FAM83G: variants seen among roughly 807,000 people sequenced by gnomAD.
FAM83G encodes protein FAM83G.
Under a neutral mutation model 61.5 loss-of-function variants are expected in FAM83G, and 38 were observed. The observed-to-expected ratio is 0.62, with a 90% CI of 0.48 to 0.81. The LOEUF is 0.81. Among genes scored for constraint, FAM83G ranks in the 30% least tolerant of loss-of-function variants. FAM83G has a pLI of 0.00. For missense variants in FAM83G, 989 were observed against 1,133.6 expected (o/e 0.87, Z 1.83); for synonymous variants, 470 against 476.1 (o/e 0.99, Z 0.17).
At chr17:18,981,096 G>A (rs1381747235) in intron 3 of FAM83G, among the ~76,000 whole-genome samples, 1 of 152,234 alleles carries the variant, frequency 6.6e-6, no homozygotes, top group Non-Finnish European at 1.5e-5. Context: ...CTGCAGAGAT[G>A]CCTGTGATGA....
At position 18,988,304 on chromosome 17, in the gene FAM83G, G is replaced by A. The variant is rs765402397; in HGVS notation, c.633C>T (p.Asn211=). 7 of 1,614,206 alleles carry A rather than the reference G, an allele frequency of 4.3e-6. No individual in the cohort carries two copies. Among genetic ancestry groups the A allele is most frequent in the East Asian group, 4.5e-5 (2 of 44,888 alleles). Residue 211 remains asparagine (N), a synonymous_variant, in exon 3 of 6, where the codon AAC becomes AAT. Coordinates refer to ENST00000388995, the MANE Select transcript of FAM83G (RefSeq NM_001039999.3). ...CACACATGTGCAGGAAGTACTTGAC[G>A]TTACTCTCATCCACGATGATGTACA... ...VAVYIIVDES[N]VKYFLHMCER... is the part of the protein sequence containing the mutation.
Position 18,977,827 on chromosome 17 carries a change from G to A in FAM83G, c.1839C>T (p.Ser613=). ...GPGPRRPSVA[S]SVSEEYFEVR... ...CCTCGAAGTACTCCTCTGACACAGA[G>A]GAAGCCACTGAGGGCCGTCGGGGGC... Residue 613 remains serine (S), a synonymous_variant, in exon 5 of 6, where the codon TCC becomes TCT. Coordinates refer to ENST00000388995, the MANE Select transcript of FAM83G (RefSeq NM_001039999.3). 1.2e-6 allele frequency: 2 copies of A among 1,609,592 alleles called. No individual in the cohort carries two copies. Among genetic ancestry groups the A allele is most frequent in the Admixed American group, 3.3e-5 (2 of 59,770 alleles).
intron 3 of FAM83G, among the ~76,000 whole-genome samples, chr17:18,979,971 A>G (rs771086600): frequency 4.6e-5 from 7 of 152,138 alleles, no homozygotes; most frequent in Non-Finnish European, 8.8e-5. Flanking sequence ...CAGGCAGGAA[A>G]AGGCTTACAC....
In FAM83G at chr17:18,969,579, GC is replaced by G; in HGVS notation, c.*1779del. 4.7e-6 allele frequency: 3 copies of G among 635,676 alleles called. No homozygotes were observed. The highest frequency in any genetic ancestry group is 2.2e-5 in the South Asian group (1 of 45,212). The allele number at this position is 635,676 out of a possible 1,614,324, so 39.4% of individuals were successfully genotyped here. On this transcript the variant is annotated 3_prime_UTR_variant, in exon 6 of 6. Coordinates refer to ENST00000388995, the MANE Select transcript of FAM83G (RefSeq NM_001039999.3). Reference sequence around the variant, plus strand: ...AGGAGGTTGAGCCACTAGGCAGTCAGCCCCCCTGCTGGCCCCTCAGGGACTG... The same window carrying G: ...AGGAGGTTGAGCCACTAGGCAGTCAGCCCCCTGCTGGCCCCTCAGGGACTG...
chr17:18,981,661 C>T (rs1324448232), intron 3 of FAM83G, among the ~76,000 whole-genome samples: 4 of 152,158 alleles, frequency 2.6e-5, no homozygotes, highest in Non-Finnish European at 4.4e-5. Flanking sequence ...AGGTGTGGGC[C>T]GTGGGTGAGT....
chr17:18,991,888 C>T (rs533937877), intron 2 of FAM83G, among the ~76,000 whole-genome samples: 5 of 152,294 alleles, frequency 3.3e-5, no homozygotes, highest in South Asian at 2.1e-4. Flanking sequence ...AGGCCCAATG[C>T]CCAAGACAAC....
chr17:18,993,560 C>T (rs2043485910), intron 2 of FAM83G, among the ~76,000 whole-genome samples: 1 of 152,198 alleles, frequency 6.6e-6, no homozygotes, highest in South Asian at 2.1e-4. Context: ...CCTCACTATG[C>T]TCCAGGCAGG....
rs938588809 is a variant in FAM83G, at chr17:19,004,510, C to T, written c.-129+199G>A. Among the ~76,000 whole-genome samples, 1 of 152,114 alleles carries T rather than the reference C, an allele frequency of 6.6e-6. No homozygotes were observed. Among genetic ancestry groups the T allele is most frequent in the Non-Finnish European group, 1.5e-5 (1 of 67,986 alleles). On this transcript the variant is annotated intron_variant, in intron 1 of 5. Coordinates refer to ENST00000388995, the MANE Select transcript of FAM83G (RefSeq NM_001039999.3). The surrounding 1 kb of genome is among the most constrained non-coding windows in gnomAD (Gnocchi z 5.4). ...AGCTTCTTAGAGTGGGAGGCGGCCC[C>T]GGCACAGAGGCGCCCCGCAAACCGA...
At position 18,969,614 on chromosome 17, in the gene FAM83G, G is replaced by A. The variant is rs2042788786; in HGVS notation, c.*1745C>T. 1.8e-6 allele frequency: 1 copy of A among 548,702 alleles called. No homozygotes were observed. The highest frequency in any genetic ancestry group is 3.2e-6 in the Non-Finnish European group (1 of 313,686). 34.0% of individuals were successfully genotyped at this position (548,702 alleles called of 1,614,324 possible). ...TGGCCCCTCAGGGACTGCCCTGGCT[G>A]GTAGAGGCTACCCACCCTGCTGCCC... On this transcript the variant is annotated 3_prime_UTR_variant, in exon 6 of 6. Coordinates refer to ENST00000388995, the MANE Select transcript of FAM83G (RefSeq NM_001039999.3).
intron 5 of FAM83G, among the ~76,000 whole-genome samples, chr17:18,973,142 G>A (rs2152003861): frequency 6.6e-6 from 1 of 152,346 alleles, no homozygotes; most frequent in South Asian, 2.1e-4. Context: ...GCCGTGGAGG[G>A]CACAGTAGGC....
In FAM83G at chr17:18,971,603, T is replaced by C. The variant is rs761039166; in HGVS notation, c.2228A>G (p.His743Arg). 3 of 1,613,320 alleles carry C rather than the reference T, an allele frequency of 1.9e-6. No homozygotes were observed. The highest frequency in any genetic ancestry group is 2.5e-6 in the Non-Finnish European group (3 of 1,179,934). Residue 743 changes from histidine (H) to arginine (R), a missense_variant, in exon 6 of 6, where the codon CAC becomes CGC. Around this residue, in one of 3 missense-constraint regions of FAM83G, gnomAD observed 574 missense variants for 645.1 expected, o/e 0.89. Transcript: ENST00000388995. This position sits in a 1 kb window ranked among gnomAD's most constrained non-coding sequence, Gnocchi z 5.5. ...TACCTGACCTCCCTTGGCCTGCCAG[T>C]GGTGGGGGCCAGCCATGGCTGGGCC... ...NAGPAMAGPH[H>R]WQAKGGQVPR...
Position 19,003,784 on chromosome 17 carries a change from G to A in FAM83G, c.258C>T (p.Pro86=), listed in dbSNP as rs1472664293. The stretch of plus-strand genomic sequence containing the variant: ...CCCCATTGTCCTCGGGCCCCTGAGA[G>A]GGGCCCGTGCCCCGAGGGTCCTCAG... ...PGSEDPRGTG[P]SQGPEDNGVG... Residue 86 remains proline, a synonymous_variant, in exon 2 of 6, where the codon CCC becomes CCT. Coordinates refer to ENST00000388995, the MANE Select transcript of FAM83G (RefSeq NM_001039999.3). This position sits in a 1 kb window ranked among gnomAD's most constrained non-coding sequence, Gnocchi z 4.5. 1.9e-6 allele frequency: 3 copies of A among 1,611,666 alleles called. No homozygotes were observed. The highest frequency in any genetic ancestry group is 1.1e-5 in the South Asian group (1 of 91,044).
chr17:18,971,005 C>A lies in FAM83G; in HGVS notation c.*354G>T. 1.2e-6 allele frequency: 2 copies of A among 1,613,766 alleles called. No individual in the cohort carries two copies. The highest frequency in any genetic ancestry group is 2.2e-5 in the East Asian group (1 of 44,866). On this transcript the variant is annotated 3_prime_UTR_variant, in exon 6 of 6. Coordinates refer to ENST00000388995, the MANE Select transcript of FAM83G (RefSeq NM_001039999.3). The surrounding 1 kb of genome is among the most constrained non-coding windows in gnomAD (Gnocchi z 5.5). ...CAAACTGTCCCTGTTCCACCCTGAC[C>A]CCTCCAGCTTTTGACCAGATCGGTG...
chr17:19,003,579 T>TG lies in FAM83G; in HGVS notation c.462dup (p.Ile155HisfsTer55). ...TCTTTGATGTGGGCCTGCCCGTCTA[T>TG]GGGGGGCTGCATGTAGACGCTAGCC... On this transcript the variant is annotated frameshift_variant, in exon 2 of 6. Transcript: ENST00000388995. LOFTEE classifies it high-confidence loss of function. This position sits in a 1 kb window ranked among gnomAD's most constrained non-coding sequence, Gnocchi z 4.5. 1 of 1,597,262 alleles carries TG rather than the reference T, an allele frequency of 6.3e-7. No homozygotes were observed. The highest frequency in any genetic ancestry group is 1.7e-5 in the Admixed American group (1 of 57,240).
In FAM83G at chr17:19,004,567, T is replaced by C. The variant is rs1451836577; in HGVS notation, c.-129+142A>G. The C allele has an allele frequency of 6.6e-6, 1 of 151,716 alleles. No homozygotes were observed. Among genetic ancestry groups the C allele is most frequent in the Non-Finnish European group, 1.5e-5 (1 of 67,888 alleles). 9.4% of individuals were successfully genotyped at this position (151,716 alleles called of 1,614,324 possible). A position where few individuals can be genotyped will look rare whatever the true frequency, so the allele number is the denominator to read the frequency against. On this transcript the variant is annotated intron_variant, in intron 1 of 5. Coordinates refer to ENST00000388995, the MANE Select transcript of FAM83G (RefSeq NM_001039999.3). This position sits in a 1 kb window ranked among gnomAD's most constrained non-coding sequence, Gnocchi z 5.4. ...CCGGGTAAGGGAGGGGTCTTAAAATTTCCGGGTGCCGGCAACCCAGGAGGC... is the reference window on the plus strand; with the variant it reads ...CCGGGTAAGGGAGGGGTCTTAAAATCTCCGGGTGCCGGCAACCCAGGAGGC...
At chr17:18,988,640 G>A (rs2043328887) in intron 2 of FAM83G, among the ~76,000 whole-genome samples, 1 of 152,246 alleles carries the variant, frequency 6.6e-6, no homozygotes, top group Non-Finnish European at 1.5e-5. Context: ...CAGGGGCCCT[G>A]TGTTGGTGCA....
At position 18,978,835 on chromosome 17, in the gene FAM83G, G is replaced by A. The variant is rs763303535; in HGVS notation, c.831C>T (p.Ala277=). 2.5e-5 allele frequency: 41 copies of A among 1,611,866 alleles called. No homozygotes were observed. Among genetic ancestry groups the A allele is most frequent in the Non-Finnish European group, 3.1e-5 (36 of 1,179,220 alleles). Residue 277 remains alanine, a synonymous_variant, in exon 5 of 6, where the codon GCC becomes GCT. Transcript: ENST00000388995. ...VCGSYSFTWS[A]ARTDRNVISV... ...AGATCACATTCCGGTCCGTCCGCGC[G>A]GCCGACCACGTGAAGCTGCAACAGA...
At chr17:18,993,051 G>C (rs1034935307) in intron 2 of FAM83G, among the ~76,000 whole-genome samples, 1 of 152,242 alleles carries the variant, frequency 6.6e-6, no homozygotes, top group Admixed American at 6.5e-5. Flanking sequence ...AGGTGCCTGG[G>C]GAGGAGGGGT....
chr17:18,985,378 C>T (rs1391276787), intron 3 of FAM83G, among the ~76,000 whole-genome samples: 2 of 152,196 alleles, frequency 1.3e-5, no homozygotes, highest in Non-Finnish European at 2.9e-5. Context: ...CTGGTATCAC[C>T]CCCAAACTGG....
Sources: allele counts gnomAD v4.1 joint callset (sites outside exome capture counted in the v4.1 genomes callset), GRCh38; gene constraint gnomAD v4.1.1; regional missense constraint gnomAD v4.1.1; non-coding constraint Gnocchi (gnomAD v3.1); transcripts MANE v1.5; gene names NCBI Gene and HGNC (gene_info 2026-07-23, HGNC 2026-07-21).